The following NCK2 variants were observed in gnomAD, a reference collection of about 807,000 sequenced individuals.
NCK2 encodes cytoplasmic protein NCK2.
A neutral mutation model predicts 33.9 loss-of-function variants in NCK2; 16 were observed. The ratio of observed to expected loss-of-function variants is 0.47; its 90% CI spans 0.32 to 0.72. The LOEUF is 0.72. NCK2 is among the 30% of genes least tolerant of loss of function. The pLI, the probability that NCK2 is intolerant of heterozygous loss-of-function variation, is 0.03. For missense variants in NCK2, 418 were observed against 537.3 expected (o/e 0.78, Z 2.19); for synonymous variants, 273 against 239.9 (o/e 1.14, Z -1.27).
chr2:105,842,026 G>A (rs1676667947), intron 2 of NCK2, among the ~76,000 whole-genome samples: 1 of 152,118 alleles, frequency 6.6e-6, no homozygotes. Flanking sequence ...GTAGGTGAGA[G>A]TTAGATTTAA....
intron 2 of NCK2, among the ~76,000 whole-genome samples, chr2:105,844,747 G>GAT (rs67123338): frequency 0.51 from 67,923 of 133,220 alleles, 17,231 homozygotes; most frequent in African/African-American, 0.57. Context: ...GGCGGGGGGG[G>GAT]ATATATATAT....
At position 105,866,744 on chromosome 2, in the gene NCK2, C is replaced by T. The variant is rs540315135; in HGVS notation, c.226+11455C>T. On this transcript the variant is annotated intron_variant, in intron 3 of 4. Coordinates refer to ENST00000233154, the MANE Select transcript of NCK2 (RefSeq NM_003581.5). ...CCACAGAGGTACTGGTCTGTGGCCC[C>T]GGGGGGTTGGGGACCCCTGGTCTAG... 2.0e-4 allele frequency among the ~76,000 whole-genome samples: 30 copies of T among 152,242 alleles called. No individual in the cohort carries two copies. The South Asian group carries it at 5.6e-3, about 28-fold the overall frequency.
chr2:105,780,153 A>G (rs1313973441), intron 1 of NCK2, among the ~76,000 whole-genome samples: 1 of 152,212 alleles, frequency 6.6e-6, no homozygotes, highest in South Asian at 2.1e-4. Context: ...TCTGGTTGCA[A>G]GATTAATCAA....
At chr2:105,778,982 A>T (rs920221564) in intron 1 of NCK2, among the ~76,000 whole-genome samples, 2 of 152,156 alleles carry the variant, frequency 1.3e-5, no homozygotes, top group Non-Finnish European at 2.9e-5. Flanking sequence ...TTAAATGTTA[A>T]AACAAATAAT....
chr2:105,748,068 A>G (rs1156676486), intron 1 of NCK2, among the ~76,000 whole-genome samples: 1 of 152,224 alleles, frequency 6.6e-6, no homozygotes, highest in Non-Finnish European at 1.5e-5. Flanking sequence ...CCACATGTGT[A>G]CTGGCACATA....
At chr2:105,810,535 T>A (rs1299685589) in intron 1 of NCK2, among the ~76,000 whole-genome samples, 1 of 152,258 alleles carries the variant, frequency 6.6e-6, no homozygotes, top group Non-Finnish European at 1.5e-5. Flanking sequence ...TGTCACTACC[T>A]AGACAATGGC....
intron 1 of NCK2, among the ~76,000 whole-genome samples, chr2:105,773,465 C>T (rs771560522): frequency 6.6e-6 from 1 of 152,062 alleles, no homozygotes; most frequent in Non-Finnish European, 1.5e-5. Flanking sequence ...AGGGCCATCA[C>T]CACTGCACCT....
intron 1 of NCK2, among the ~76,000 whole-genome samples, chr2:105,795,615 A>G (rs1691052869): frequency 6.6e-6 from 1 of 152,184 alleles, no homozygotes; most frequent in African/African-American, 2.4e-5. Context: ...TTCATTCCCC[A>G]AGGGATATTC....
chr2:105,764,954 A>T (rs1240531180), intron 1 of NCK2, among the ~76,000 whole-genome samples: 1 of 151,926 alleles, frequency 6.6e-6, no homozygotes, highest in Non-Finnish European at 1.5e-5. Context: ...GGACATCTAA[A>T]TTTTTGCTCC....
At chr2:105,769,622 C>T (rs996244978) in intron 1 of NCK2, among the ~76,000 whole-genome samples, 8 of 152,124 alleles carry the variant, frequency 5.3e-5, no homozygotes, top group African/African-American at 1.9e-4. Context: ...CTGCACTGCC[C>T]ACTGCCCTCT....
At chr2:105,801,090 C>T (rs1051086040) in intron 1 of NCK2, among the ~76,000 whole-genome samples, 1 of 152,218 alleles carries the variant, frequency 6.6e-6, no homozygotes, top group Non-Finnish European at 1.5e-5. Context: ...AGCCCGTCAG[C>T]ATTTGTTCTC....
chr2:105,855,144 G>A lies in NCK2; in HGVS notation c.81G>A (p.Glu27=). ...QDQELDIKKN[E]RLWLLDDSKT... is the part of the protein sequence containing the mutation. ...AGGAGCTGGACATCAAGAAGAACGAGCGGCTGTGGTTGCTGGACGACTCCA... is the reference window on the plus strand; with the variant it reads ...AGGAGCTGGACATCAAGAAGAACGAACGGCTGTGGTTGCTGGACGACTCCA... Residue 27 remains glutamate (E), a synonymous_variant, in exon 3 of 5, where the codon GAG becomes GAA. Coordinates refer to ENST00000233154, the MANE Select transcript of NCK2 (RefSeq NM_003581.5). The A allele has an allele frequency of 6.2e-7, 1 of 1,614,216 alleles. No homozygotes were observed. Among genetic ancestry groups the A allele is most frequent in the South Asian group, 1.1e-5 (1 of 91,084 alleles).
At chr2:105,873,710 A>G (rs1678117726) in intron 3 of NCK2, among the ~76,000 whole-genome samples, 1 of 152,168 alleles carries the variant, frequency 6.6e-6, no homozygotes, top group Non-Finnish European at 1.5e-5. Context: ...CTCAAAAGTA[A>G]CTGAAGGGGA....
intron 1 of NCK2, among the ~76,000 whole-genome samples, chr2:105,797,167 T>A (rs950374340): frequency 1.3e-5 from 2 of 152,214 alleles, no homozygotes; most frequent in Non-Finnish European, 2.9e-5. Context: ...AGAAAAAAGT[T>A]GACATTGATT....
chr2:105,849,300 A>T (rs530499008), intron 2 of NCK2, among the ~76,000 whole-genome samples: 2 of 152,316 alleles, frequency 1.3e-5, no homozygotes, highest in East Asian at 3.9e-4. Context: ...AGGCAGATGG[A>T]TCGCTTGAGC....
chr2:105,767,114 G>C (rs1689975972), intron 1 of NCK2, among the ~76,000 whole-genome samples: 1 of 152,136 alleles, frequency 6.6e-6, no homozygotes, highest in African/African-American at 2.4e-5. Flanking sequence ...TTATCTCTCT[G>C]GAGCCAGGGA....
At chr2:105,828,364 A>G (rs1166790769) in intron 2 of NCK2, among the ~76,000 whole-genome samples, 1 of 152,220 alleles carries the variant, frequency 6.6e-6, no homozygotes, top group African/African-American at 2.4e-5. Flanking sequence ...GTTTTGATAT[A>G]CAATTATAAT....
chr2:105,886,550 G>A (rs1486366689), intron 4 of NCK2, among the ~76,000 whole-genome samples: 1 of 152,200 alleles, frequency 6.6e-6, no homozygotes, highest in Non-Finnish European at 1.5e-5. Flanking sequence ...ATGAACTCCT[G>A]AATAATTCTG....
At chr2:105,865,310 T>C (rs1677702402) in intron 3 of NCK2, among the ~76,000 whole-genome samples, 1 of 152,172 alleles carries the variant, frequency 6.6e-6, no homozygotes, top group Non-Finnish European at 1.5e-5. Context: ...AATAGCCTCA[T>C]TTTGCATGTG....
Sources: allele counts gnomAD v4.1 joint callset (sites outside exome capture counted in the v4.1 genomes callset), GRCh38; gene constraint gnomAD v4.1.1; transcripts MANE v1.5; gene names NCBI Gene and HGNC (gene_info 2026-07-23, HGNC 2026-07-21).